PCCA: variants seen among roughly 807,000 people sequenced by gnomAD.
The protein encoded by PCCA is propionyl-CoA carboxylase subunit alpha, also known as propionyl-CoA carboxylase alpha chain, mitochondrial.
A neutral mutation model predicts 101.3 loss-of-function variants in PCCA; 74 were observed. The observed-to-expected ratio is 0.73, with a 90% CI of 0.61 to 0.89. The LOEUF (loss-of-function observed/expected upper bound fraction) is 0.89. PCCA is among the 40% of genes least tolerant of loss of function. The probability of loss-of-function intolerance (pLI) is 0.00; values close to 1 mark genes in which losing one functional copy is unlikely to be tolerated. For synonymous variants in PCCA, 294 were observed against 313.6 expected, an observed-to-expected ratio of 0.94 and a Z score of 0.66; for missense variants, 891 against 907.0, an observed-to-expected ratio of 0.98 and a Z score of 0.23.
chr13:100,254,678 C>T (rs962485369), intron 8 of PCCA, among the ~76,000 whole-genome samples: 14 of 152,094 alleles, frequency 9.2e-5, no homozygotes, highest in African/African-American at 3.4e-4. Context: ...TATTGTTTCT[C>T]CATGGTGTGG....
intron 6 of PCCA, among the ~76,000 whole-genome samples, chr13:100,176,293 T>C (rs992810970): frequency 4.6e-5 from 7 of 152,220 alleles, no homozygotes; most frequent in Non-Finnish European, 7.3e-5. Flanking sequence ...ACTTCATATA[T>C]TAAAATGAAG....
At chr13:100,280,291 A>G (rs1325222189) in intron 12 of PCCA, among the ~76,000 whole-genome samples, 3 of 122,584 alleles carry the variant, frequency 2.4e-5, no homozygotes, top group African/African-American at 8.2e-5. Flanking sequence ...ATGCTTTTGC[A>G]TCACAACACA....
At chr13:100,482,723 G>A (rs937550577) in intron 21 of PCCA, among the ~76,000 whole-genome samples, 1 of 152,156 alleles carries the variant, frequency 6.6e-6, no homozygotes, top group Non-Finnish European at 1.5e-5. Flanking sequence ...CGAGTTGCTG[G>A]GATTACAGGT....
chr13:100,458,466 C>T (rs1188545343), intron 21 of PCCA, among the ~76,000 whole-genome samples: 9 of 148,044 alleles, frequency 6.1e-5, no homozygotes, highest in Admixed American at 4.0e-4. Context: ...CACACACACA[C>T]ACACACACAC....
chr13:100,162,108 G>GTGTGTC (rs1280978510), intron 6 of PCCA, among the ~76,000 whole-genome samples: 32 of 132,992 alleles, frequency 2.4e-4, no homozygotes, highest in Admixed American at 4.0e-4. Context: ...GTGTGTGTGT[G>GTGTGTC]TGTCTGTCTG....
intron 21 of PCCA, among the ~76,000 whole-genome samples, chr13:100,478,518 C>T (rs544789876): frequency 2.0e-5 from 3 of 152,300 alleles, no homozygotes; most frequent in South Asian, 4.1e-4. Flanking sequence ...CCTGTGTCCC[C>T]TCCCCCAGCA....
intron 12 of PCCA, among the ~76,000 whole-genome samples, chr13:100,279,792 T>A (rs2063942528): frequency 6.6e-6 from 1 of 152,116 alleles, no homozygotes. Flanking sequence ...CTTTTAATAG[T>A]AGACATTCTC....
intron 4 of PCCA, among the ~76,000 whole-genome samples, chr13:100,119,866 A>G (rs986931798): frequency 1.3e-5 from 2 of 151,712 alleles, no homozygotes; most frequent in African/African-American, 4.8e-5. Flanking sequence ...TCATTTTTAT[A>G]TTATTTATTT....
At chr13:100,428,854 C>T (rs1171474402) in intron 20 of PCCA, among the ~76,000 whole-genome samples, 1 of 152,158 alleles carries the variant, frequency 6.6e-6, no homozygotes, top group Non-Finnish European at 1.5e-5. Context: ...GGAACCGAGT[C>T]ACATGAGCCT....
intron 19 of PCCA, among the ~76,000 whole-genome samples, chr13:100,406,011 C>T (rs1001457505): frequency 4.6e-5 from 7 of 151,972 alleles, no homozygotes; most frequent in African/African-American, 9.7e-5. Context: ...GTGATCCACC[C>T]GCCTCGGCCT....
intron 6 of PCCA, among the ~76,000 whole-genome samples, chr13:100,163,058 A>G (rs1223254699): frequency 6.6e-6 from 1 of 152,184 alleles, no homozygotes; most frequent in African/African-American, 2.4e-5. Flanking sequence ...GGAATACTAA[A>G]TGCTCTAAAG....
chr13:100,303,337 G>A (rs2066209863), intron 14 of PCCA, among the ~76,000 whole-genome samples: 1 of 152,084 alleles, frequency 6.6e-6, no homozygotes, highest in African/African-American at 2.4e-5. Context: ...AATAAATCGA[G>A]TCCAACCCTG....
chr13:100,146,241 G>C (rs1309464405), intron 4 of PCCA, among the ~76,000 whole-genome samples: 1 of 150,056 alleles, frequency 6.7e-6, no homozygotes, highest in Non-Finnish European at 1.5e-5. Context: ...GCACCGGCCA[G>C]CTTTGCTTTT....
At chr13:100,494,471 G>A (rs1000275899) in intron 21 of PCCA, among the ~76,000 whole-genome samples, 3 of 151,906 alleles carry the variant, frequency 2.0e-5, no homozygotes, top group African/African-American at 4.8e-5. Flanking sequence ...ATCACCTGAG[G>A]TCGGGAGTTT....
intron 14 of PCCA, chr13:100,305,694 G>A (rs923428192): frequency 3.1e-5 from 9 of 292,398 alleles, no homozygotes; most frequent in African/African-American, 1.4e-4. Context: ...TTAATGTGGG[G>A]AAAAGGTAGA....
intron 11 of PCCA, among the ~76,000 whole-genome samples, chr13:100,269,232 TAAGA>T (rs765110013): frequency 7.9e-5 from 12 of 152,210 alleles, no homozygotes; most frequent in Non-Finnish European, 1.3e-4. Context: ...TTTTTATAAT[TAAGA>T]ATTTGTTACT....
intron 18 of PCCA, among the ~76,000 whole-genome samples, chr13:100,366,960 C>T (rs557100189): frequency 8.2e-4 from 124 of 151,920 alleles, no homozygotes; most frequent in Non-Finnish European, 1.5e-3. Flanking sequence ...GTTTTTGTGA[C>T]TCTGATTTTT....
intron 14 of PCCA, among the ~76,000 whole-genome samples, chr13:100,303,601 T>C (rs2066230506): frequency 1.3e-5 from 2 of 151,168 alleles, no homozygotes; most frequent in Admixed American, 1.3e-4. Flanking sequence ...TTTTTCTTAA[T>C]CAAGGTAATA....
chr13:100,194,610 G>A (rs777516221), intron 6 of PCCA, among the ~76,000 whole-genome samples: 8 of 152,050 alleles, frequency 5.3e-5, no homozygotes, highest in Middle Eastern at 3.4e-3. Context: ...TATTAGAGAC[G>A]GGGTTTCACC....
Sources: allele counts gnomAD v4.1 joint callset (sites outside exome capture counted in the v4.1 genomes callset), GRCh38; gene constraint gnomAD v4.1.1; transcripts MANE v1.5; gene names NCBI Gene and HGNC (gene_info 2026-07-23, HGNC 2026-07-21).